The following IL1RAPL2 variants were observed in gnomAD, a reference collection of about 807,000 sequenced individuals.
The protein encoded by IL1RAPL2 is interleukin 1 receptor accessory protein like 2, also known as X-linked interleukin-1 receptor accessory protein-like 2.
Under a neutral mutation model 44.1 loss-of-function variants are expected in IL1RAPL2, and 3 were observed. That is an observed-to-expected ratio of 0.07 (90% CI 0.03 to 0.18). The LOEUF (loss-of-function observed/expected upper bound fraction) is 0.18, where lower values mean the gene tolerates loss of function less well. IL1RAPL2 is among the 10% of genes least tolerant of loss of function. IL1RAPL2 has a pLI of 1.00. For missense variants in IL1RAPL2, 391 were observed against 496.4 expected (o/e 0.79, Z 2.02); for synonymous variants, 181 against 178.8 (o/e 1.01, Z -0.10).
intron 2 of IL1RAPL2, among the ~76,000 whole-genome samples, chrX:104,752,180 G>C (rs1315187238): frequency 9.1e-6 from 1 of 110,173 alleles, no homozygotes; most frequent in Non-Finnish European, 1.9e-5. Context: ...AGAGGCTGAA[G>C]GTAATTCAGA....
intron 6 of IL1RAPL2, among the ~76,000 whole-genome samples, chrX:105,650,411 T>C (rs1240472433): frequency 8.9e-6 from 1 of 111,894 alleles, no homozygotes; most frequent in Non-Finnish European, 1.9e-5. Flanking sequence ...AAGTTCTTTA[T>C]GTGTTTTTGT....
chrX:104,859,582 A>C (rs931339996), intron 2 of IL1RAPL2, among the ~76,000 whole-genome samples: 3 of 111,925 alleles, frequency 2.7e-5, no homozygotes, highest in African/African-American at 3.2e-5. Flanking sequence ...GATCCCAATT[A>C]ATGGTAGGTG....
intron 2 of IL1RAPL2, among the ~76,000 whole-genome samples, chrX:105,103,671 A>C (rs2032700408): frequency 8.9e-6 from 1 of 111,815 alleles, no homozygotes; most frequent in East Asian, 2.8e-4. Flanking sequence ...GGCCATCTTT[A>C]CAACTTGATG....
chrX:104,745,652 C>T (rs751833136), intron 2 of IL1RAPL2, among the ~76,000 whole-genome samples: 111 of 111,580 alleles, frequency 9.9e-4, no homozygotes, highest in African/African-American at 3.5e-3. Context: ...TAAAATATTG[C>T]AATGAGAGCG....
intron 2 of IL1RAPL2, among the ~76,000 whole-genome samples, chrX:105,158,773 C>T (rs1569394867): frequency 8.9e-6 from 1 of 111,882 alleles, no homozygotes; most frequent in Non-Finnish European, 1.9e-5. Context: ...TAGAGAGTCA[C>T]ATAACATATG....
chrX:104,717,969 G>A (rs1931607430), intron 2 of IL1RAPL2, among the ~76,000 whole-genome samples: 1 of 111,046 alleles, frequency 9.0e-6, no homozygotes, highest in Non-Finnish European at 1.9e-5. Context: ...ATTCCATGGT[G>A]TATATGTGCC....
At chrX:105,684,474 C>T (rs1163761061) in intron 6 of IL1RAPL2, among the ~76,000 whole-genome samples, 1 of 112,073 alleles carries the variant, frequency 8.9e-6, no homozygotes, top group Non-Finnish European at 1.9e-5. Context: ...CAGCCTGGCT[C>T]GGGGAGGGGC....
chrX:105,582,785 G>A (rs73636258), intron 6 of IL1RAPL2, among the ~76,000 whole-genome samples: 1,419 of 109,707 alleles, frequency 0.013, 21 homozygotes, highest in African/African-American at 0.044. Flanking sequence ...TTCTTATAGT[G>A]AATTTCTTAT....
chrX:105,680,600 A>G (rs1439426731), intron 6 of IL1RAPL2, among the ~76,000 whole-genome samples: 1 of 112,611 alleles, frequency 8.9e-6, no homozygotes, highest in Non-Finnish European at 1.9e-5. Context: ...TACTGCAACT[A>G]TGCAAATCAC....
intron 2 of IL1RAPL2, among the ~76,000 whole-genome samples, chrX:104,761,818 C>CCTCCTT (rs1932434039): frequency 1.4e-5 from 1 of 73,623 alleles, no homozygotes; most frequent in South Asian, 5.8e-4. Flanking sequence ...TTCTCTTTCT[C>CCTCCTT]CTCCTTCTCC....
chrX:105,721,743 A>G (rs917848748), intron 7 of IL1RAPL2, among the ~76,000 whole-genome samples: 1 of 112,129 alleles, frequency 8.9e-6, no homozygotes, highest in Non-Finnish European at 1.9e-5. Flanking sequence ...AGGACTTGCA[A>G]AATGACATTG....
At chrX:105,712,186 C>A (rs1449277761) in intron 6 of IL1RAPL2, among the ~76,000 whole-genome samples, 1 of 111,933 alleles carries the variant, frequency 8.9e-6, no homozygotes, top group East Asian at 2.9e-4. Flanking sequence ...ACCCTAGGGC[C>A]CTAGGCTATC....
intron 2 of IL1RAPL2, among the ~76,000 whole-genome samples, chrX:104,703,377 G>C (rs1258483256): frequency 9.0e-6 from 1 of 111,643 alleles, no homozygotes; most frequent in Non-Finnish European, 1.9e-5. Flanking sequence ...TTGGTCCTGT[G>C]CTCACAGCTC....
chrX:104,728,808 G>T (rs1448936528), intron 2 of IL1RAPL2, among the ~76,000 whole-genome samples: 2 of 111,815 alleles, frequency 1.8e-5, no homozygotes, highest in African/African-American at 6.5e-5. Flanking sequence ...TCAGAACTGT[G>T]AGACAATACA....
intron 2 of IL1RAPL2, among the ~76,000 whole-genome samples, chrX:104,818,478 CAT>C (rs930861477): frequency 3.6e-4 from 39 of 107,027 alleles, no homozygotes; most frequent in African/African-American, 1.3e-3. Context: ...AACCAAGAAA[CAT>C]AATTTAGAAA....
intron 2 of IL1RAPL2, among the ~76,000 whole-genome samples, chrX:104,740,867 G>A (rs1434555114): frequency 9.0e-6 from 1 of 111,451 alleles, no homozygotes; most frequent in Non-Finnish European, 1.9e-5. Context: ...TTGAAACCTT[G>A]TGTTAATGTA....
chrX:105,196,003 C>T (rs1439890076), intron 3 of IL1RAPL2, among the ~76,000 whole-genome samples: 1 of 111,484 alleles, frequency 9.0e-6, no homozygotes, highest in African/African-American at 3.3e-5. Context: ...TGACTCGGGC[C>T]GGGCGCAGTG....
At chrX:104,672,194 C>G (rs1312863225) in intron 2 of IL1RAPL2, among the ~76,000 whole-genome samples, 3 of 110,874 alleles carry the variant, frequency 2.7e-5, no homozygotes, top group African/African-American at 9.9e-5. Flanking sequence ...CATGCTGGTG[C>G]ACTGCACCCA....
intron 2 of IL1RAPL2, among the ~76,000 whole-genome samples, chrX:104,911,880 G>C (rs942325555): frequency 9.0e-6 from 1 of 111,649 alleles, no homozygotes; most frequent in African/African-American, 3.3e-5. Flanking sequence ...CCTTCTGTCT[G>C]AATTACTCTC....
Sources: allele counts gnomAD v4.1 joint callset (sites outside exome capture counted in the v4.1 genomes callset), GRCh38; gene constraint gnomAD v4.1.1; transcripts MANE v1.5; gene names NCBI Gene and HGNC (gene_info 2026-07-23, HGNC 2026-07-21).